HABP2: variants seen among roughly 807,000 people sequenced by gnomAD.
HABP2 encodes hyaluronan binding protein 2.
HABP2 carries 65 observed loss-of-function variants against 66.5 expected under a neutral mutation model. The observed-to-expected ratio is 0.98, with a 90% CI of 0.80 to 1.20. The LOEUF is 1.20. HABP2 is among the 50% of genes most tolerant of loss of function. The pLI is 0.00. For missense variants in HABP2, 786 were observed against 691.0 expected, an observed-to-expected ratio of 1.14 and a Z score of -1.54; for synonymous variants, 263 against 253.9, an observed-to-expected ratio of 1.04 and a Z score of -0.34.
chr10:113,586,044 C>T, intron 12 of HABP2, 106 bp downstream of exon 12: 1 of 997,416 alleles, frequency 1.0e-6, no homozygotes, highest in Non-Finnish European at 1.5e-6. Context: ...AGAGGTCCAC[C>T]TGTGGTAAAG....
intron 10 of HABP2, 50 bp from the exon 11 acceptor site, chr10:113,584,098 C>T: frequency 9.5e-6 from 15 of 1,583,320 alleles, no homozygotes; most frequent in Non-Finnish European, 1.2e-5. Context: ...TGGTGCTTCT[C>T]TGACAAAGAG....
intron 2 of HABP2, among the ~76,000 whole-genome samples, chr10:113,573,773 A>G (rs1845355985): frequency 6.6e-6 from 1 of 152,244 alleles, no homozygotes; most frequent in Non-Finnish European, 1.5e-5. Context: ...ACCATGACCA[A>G]AAGAAAAATG....
rs538314696 is a variant in HABP2, at chr10:113,578,929, C to A, written c.740+131C>A. ...GGCAATGTTATGCTGCTGTAGTAAACAACTGCCAAATGTCAGTGGCTCAAA... is the reference window on the plus strand; with the variant it reads ...GGCAATGTTATGCTGCTGTAGTAAAAAACTGCCAAATGTCAGTGGCTCAAA... On this transcript the variant is annotated intron_variant, in intron 7 of 12. Transcript: ENST00000351270. 7 of 658,452 alleles carry A rather than the reference C, an allele frequency of 1.1e-5. No individual in the cohort carries two copies. The African/African-American group carries it at 1.1e-4, about 10-fold the overall frequency. The allele number at this position is 658,452 out of a possible 1,614,324, so 40.8% of individuals were successfully genotyped here.
At position 113,588,435 on chromosome 10, in the gene HABP2, C is replaced by T. The variant is rs1463640701; in HGVS notation, c.*66C>T. The T allele has an allele frequency of 1.6e-6, 2 of 1,231,374 alleles. No homozygotes were observed. The highest frequency in any genetic ancestry group is 4.7e-5 in the East Asian group (2 of 42,334). The allele number at this position is 1,231,374 out of a possible 1,614,324, so 76.3% of individuals were successfully genotyped here. ...CCCTGACACCGGGAGGCCTCATGGC[C>T]AACAATGGACACCTCCAGAGCCTCC... is the stretch of plus-strand genomic sequence containing the variant. On this transcript the variant is annotated 3_prime_UTR_variant, in exon 13 of 13. Coordinates refer to ENST00000351270, the MANE Select transcript of HABP2 (RefSeq NM_004132.5).
chr10:113,563,467 G>A (rs1845137276), intron 1 of HABP2, among the ~76,000 whole-genome samples: 1 of 152,186 alleles, frequency 6.6e-6, no homozygotes. Flanking sequence ...TCTGTGGGTG[G>A]ACACTGTGAG....
In HABP2 at chr10:113,585,685, TCTGAG is replaced by T. The variant is rs371055514; in HGVS notation, c.1373-105_1373-101del. ...CCATATCCTGGAAAAACCCTTCCCT[TCTGAG>T]CTAAGAGTTGGTGGGCTTCTCCCTG... On this transcript the variant is annotated intron_variant, in intron 11 of 12. Coordinates refer to ENST00000351270, the MANE Select transcript of HABP2 (RefSeq NM_004132.5). 3.6e-5 allele frequency: 30 copies of T among 822,540 alleles called. No individual in the cohort carries two copies. The East Asian group carries it at 4.2e-4, about 12-fold the overall frequency. 51.0% of individuals were successfully genotyped at this position (822,540 alleles called of 1,614,324 possible). A position where few individuals can be genotyped will look rare whatever the true frequency, so the allele number is the denominator to read the frequency against.
Position 113,553,099 on chromosome 10 carries a change from A to T in HABP2, c.-23A>T, listed in dbSNP as rs1448686939. 1.9e-6 allele frequency: 3 copies of T among 1,599,324 alleles called. No individual in the cohort carries two copies. The highest frequency in any genetic ancestry group is 2.2e-5 in the East Asian group (1 of 44,800). ...CAAAAGAAATTTTATTGAGAGGAAA[A>T]CACAAGTCCTTAAACTGCAAAGATG... On this transcript the variant is annotated 5_prime_UTR_variant, in exon 1 of 13. Coordinates refer to ENST00000351270, the MANE Select transcript of HABP2 (RefSeq NM_004132.5).
intron 1 of HABP2, among the ~76,000 whole-genome samples, chr10:113,556,791 T>A (rs1289752789): frequency 1.4e-5 from 2 of 146,324 alleles, no homozygotes; most frequent in African/African-American, 5.0e-5. Flanking sequence ...TCTCTTTCTT[T>A]GATTCTTTTA....
rs529487369 is a variant in HABP2 at position 113,589,182 on chromosome 10, C to T, written c.*813C>T. ...GCTAAGAAGCACAGGGAGCATTTAA[C>T]AGGCTCACCCTCCCTTTCCTTTTCC... On this transcript the variant is annotated 3_prime_UTR_variant, in exon 13 of 13. Transcript: ENST00000351270. 683 of 856,998 alleles carry T rather than the reference C, an allele frequency of 8.0e-4. 1 individual carries two copies. The highest frequency in any genetic ancestry group is 5.6e-4 in the Non-Finnish European group (305 of 544,766). 53.1% of individuals were successfully genotyped at this position (856,998 alleles called of 1,614,324 possible).
chr10:113,564,354 C>A (rs1188192407), intron 1 of HABP2, among the ~76,000 whole-genome samples: 1 of 152,036 alleles, frequency 6.6e-6, no homozygotes, highest in Non-Finnish European at 1.5e-5. Flanking sequence ...TATTAGGGTC[C>A]CCTCATGGCA....
At chr10:113,581,791 G>T in intron 8 of HABP2, 85 bp from the exon 9 acceptor site, 1 of 1,410,592 alleles carries the variant, frequency 7.1e-7, no homozygotes, top group East Asian at 2.3e-5. Context: ...CAGCTGTTGG[G>T]CTCAGAGTCA....
intron 9 of HABP2, among the ~76,000 whole-genome samples, chr10:113,582,846 T>TA (rs1845566223): frequency 6.6e-6 from 1 of 152,306 alleles, no homozygotes; most frequent in Admixed American, 6.5e-5. Context: ...GTTCACCTTA[T>TA]AGTAAATGAT....
intron 1 of HABP2, among the ~76,000 whole-genome samples, chr10:113,566,779 A>G (rs537090775): frequency 4.1e-4 from 62 of 152,334 alleles, no homozygotes; most frequent in African/African-American, 1.4e-3. Flanking sequence ...GGGGGCTTCC[A>G]GGCAGAGGCA....
intron 2 of HABP2, chr10:113,570,255 A>C (rs1208144562): frequency 6.6e-6 from 1 of 152,264 alleles, no homozygotes; most frequent in African/African-American, 2.4e-5. Flanking sequence ...TTTAAGGTGA[A>C]GTAAGATTGT....
At chr10:113,559,759 C>T (rs906412853) in intron 1 of HABP2, among the ~76,000 whole-genome samples, 1 of 152,242 alleles carries the variant, frequency 6.6e-6, no homozygotes, top group Non-Finnish European at 1.5e-5. Context: ...TCTCTTTCTG[C>T]CCATTGCCCC....
intron 7 of HABP2, 66 bp from the exon 8 acceptor site, chr10:113,580,529 G>A (rs767807573): frequency 5.9e-6 from 5 of 849,680 alleles, no homozygotes; most frequent in Non-Finnish European, 8.1e-6. Context: ...TTATCCAAAG[G>A]TTCTTTAATA....
intron 6 of HABP2, among the ~76,000 whole-genome samples, 182 bp from the exon 7 acceptor site, chr10:113,578,445 T>A (rs1420590530): frequency 6.6e-6 from 1 of 152,226 alleles, no homozygotes; most frequent in East Asian, 1.9e-4. Flanking sequence ...CTATATTTCA[T>A]GTTTTAAGCA....
At chr10:113,572,226 C>T (rs1845327670) in intron 2 of HABP2, among the ~76,000 whole-genome samples, 1 of 152,222 alleles carries the variant, frequency 6.6e-6, no homozygotes, top group Admixed American at 6.5e-5. Context: ...TCTTCTTTGG[C>T]TTCACTGAGA....
chr10:113,573,380 T>C (rs1845348863), intron 2 of HABP2, among the ~76,000 whole-genome samples: 1 of 152,218 alleles, frequency 6.6e-6, no homozygotes, highest in East Asian at 1.9e-4. Flanking sequence ...AGGTTATCCT[T>C]GGGAAATTCC....
Sources: allele counts gnomAD v4.1 joint callset (sites outside exome capture counted in the v4.1 genomes callset), GRCh38; gene constraint gnomAD v4.1.1; transcripts MANE v1.5; gene names NCBI Gene and HGNC (gene_info 2026-07-23, HGNC 2026-07-21).